EFCAB5: variants seen among roughly 807,000 people sequenced by gnomAD.
The protein encoded by EFCAB5 is EF-hand calcium binding domain 5.
A neutral mutation model predicts 167.9 loss-of-function variants in EFCAB5; 131 were observed. That is an observed-to-expected ratio of 0.78 (90% CI 0.68 to 0.90). EFCAB5 has a LOEUF of 0.90. Among genes scored for constraint, EFCAB5 ranks in the 40% least tolerant of loss-of-function variants. EFCAB5 has a pLI of 0.00. For missense variants in EFCAB5, 1,663 were observed against 1,745.2 expected (o/e 0.95, Z 0.84); for synonymous variants, 574 against 602.8 (o/e 0.95, Z 0.70).
chr17:30,000,241 G>T (rs542376790), intron 7 of EFCAB5, among the ~76,000 whole-genome samples: 1 of 152,182 alleles, frequency 6.6e-6, no homozygotes, highest in South Asian at 2.1e-4. Context: ...CTTATATTCA[G>T]TGAAATCTGG....
intron 19 of EFCAB5, 169 bp from the exon 20 acceptor site, chr17:30,090,252 A>G: frequency 1.2e-6 from 1 of 850,986 alleles, no homozygotes; most frequent in Non-Finnish European, 1.7e-6. Flanking sequence ...GAGCAAACAG[A>G]CAGCCATGTG....
chr17:30,055,713 C>A (rs1444004552), intron 10 of EFCAB5, among the ~76,000 whole-genome samples, 175 bp from the exon 11 acceptor site: 1 of 152,180 alleles, frequency 6.6e-6, no homozygotes, highest in Non-Finnish European at 1.5e-5. Flanking sequence ...CTGCTTTCAA[C>A]AATTCAAGTT....
intron 15 of EFCAB5, 21 bp from the exon 16 acceptor site, chr17:30,080,051 G>C: frequency 6.3e-7 from 1 of 1,589,242 alleles, no homozygotes; most frequent in Non-Finnish European, 8.6e-7. Flanking sequence ...CAAACACATG[G>C]TCGGAAACGT....
At chr17:29,983,163 T>C (rs1597618371) in intron 4 of EFCAB5, among the ~76,000 whole-genome samples, 1 of 152,232 alleles carries the variant, frequency 6.6e-6, no homozygotes, top group African/African-American at 2.4e-5. Context: ...ATGAAACCTT[T>C]CAATGATATC....
At chr17:29,954,970 G>A (rs1038867190) in intron 3 of EFCAB5, among the ~76,000 whole-genome samples, 2 of 152,158 alleles carry the variant, frequency 1.3e-5, no homozygotes, top group Non-Finnish European at 2.9e-5. Context: ...GGACTTGCAT[G>A]GAGCCTGTAG....
chr17:29,946,651 G>T lies in EFCAB5; in HGVS notation c.190+3002G>T, dbSNP rs1326719370. On this transcript the variant is annotated intron_variant, in intron 3 of 22. Coordinates refer to ENST00000394835, the MANE Select transcript of EFCAB5 (RefSeq NM_198529.4). ...GACTGGGTTTCACCATGTTGGGCAG[G>T]ATGGTCTCGATCTCCTGACCTCGTG... is the stretch of plus-strand genomic sequence containing the variant. Among the ~76,000 whole-genome samples the T allele has an allele frequency of 5.3e-5, 8 of 151,866 alleles. No homozygotes were observed. The South Asian group carries it at 1.7e-3, about 32-fold the overall frequency.
Position 29,997,936 on chromosome 17 carries a change from G to GA in EFCAB5, c.973+1590dup, listed in dbSNP as rs112937585. ...AGATTTCCCTATATGAAATTAGGTG[G>GA]AAAAAAAAAAAAAACCTCACTTGTC... On this transcript the variant is annotated intron_variant, in intron 6 of 22. Coordinates refer to ENST00000394835, the MANE Select transcript of EFCAB5 (RefSeq NM_198529.4). 8.6e-3 allele frequency among the ~76,000 whole-genome samples: 1,135 copies of GA among 131,552 alleles called. 3 individuals carry two copies. Among genetic ancestry groups the GA allele is most frequent in the Middle Eastern group, 0.018 (5 of 274 alleles). 86.3% of individuals were successfully genotyped at this position (131,552 alleles called of 152,430 possible). A position where few individuals can be genotyped will look rare whatever the true frequency, so the allele number is the denominator to read the frequency against.
chr17:29,954,274 C>A (rs1372041106), intron 3 of EFCAB5, among the ~76,000 whole-genome samples: 2 of 152,114 alleles, frequency 1.3e-5, no homozygotes, highest in African/African-American at 2.4e-5. Context: ...ATGTCAGAGA[C>A]CTTCATGGCA....
chr17:30,092,375 C>A (rs746522855), intron 21 of EFCAB5, among the ~76,000 whole-genome samples: 6 of 152,110 alleles, frequency 3.9e-5, no homozygotes, highest in Non-Finnish European at 8.8e-5. Flanking sequence ...TCACCCCACC[C>A]ACCCCAAGGG....
At chr17:30,013,642 G>A (rs1311161535) in intron 7 of EFCAB5, among the ~76,000 whole-genome samples, 1 of 152,124 alleles carries the variant, frequency 6.6e-6, no homozygotes, top group Non-Finnish European at 1.5e-5. Context: ...TGGGATCAGT[G>A]GTGATATCCC....
At chr17:29,973,480 CT>C (rs35478169) in intron 4 of EFCAB5, among the ~76,000 whole-genome samples, 2,080 of 135,500 alleles carry the variant, frequency 0.015, 10 homozygotes, top group African/African-American at 0.047. Flanking sequence ...TTCCTTTTTC[CT>C]TTTTTTTTTT....
Position 30,068,965 on chromosome 17 carries a change from C to T in EFCAB5, c.2738-9250C>T, listed in dbSNP as rs538786937. On this transcript the variant is annotated intron_variant, in intron 14 of 22. Coordinates refer to ENST00000394835, the MANE Select transcript of EFCAB5 (RefSeq NM_198529.4). ...GAGGACCTGTTCAGAAGCAATTCAA[C>T]AACTACGAACAGAAGCTCACAAGGA... The T allele has an allele frequency of 1.2e-4, 185 of 1,498,196 alleles. 2 individuals are homozygous for T. In the South Asian group the frequency reaches 2.0e-3, roughly 16 times the overall value. The allele number at this position is 1,498,196 out of a possible 1,614,324, so 92.8% of individuals were successfully genotyped here.
intron 8 of EFCAB5, among the ~76,000 whole-genome samples, chr17:30,039,787 T>G (rs182902767): frequency 6.6e-6 from 1 of 152,316 alleles, no homozygotes; most frequent in Non-Finnish European, 1.5e-5. Context: ...TTAGAGCGTT[T>G]CTATGGTTTA....
chr17:29,963,800 G>T (rs2067769750), intron 3 of EFCAB5, among the ~76,000 whole-genome samples: 1 of 152,202 alleles, frequency 6.6e-6, no homozygotes, highest in South Asian at 2.1e-4. Flanking sequence ...GATGTTGGAA[G>T]TGGGCCTAGT....
At chr17:29,942,882 A>G (rs2067321336) in intron 2 of EFCAB5, among the ~76,000 whole-genome samples, 1 of 152,060 alleles carries the variant, frequency 6.6e-6, no homozygotes, top group Non-Finnish European at 1.5e-5. Flanking sequence ...TACTAATAAT[A>G]CAAAAATTAT....
chr17:30,059,932 C>T (rs1296919222), intron 14 of EFCAB5: 2 of 239,856 alleles, frequency 8.3e-6, no homozygotes, highest in Non-Finnish European at 1.6e-5. Context: ...CAGTGATCCT[C>T]CTACCTCAGC....
intron 3 of EFCAB5, among the ~76,000 whole-genome samples, chr17:29,951,849 T>C (rs1197999594): frequency 6.6e-6 from 1 of 152,144 alleles, no homozygotes; most frequent in Non-Finnish European, 1.5e-5. Flanking sequence ...AAACCACTGC[T>C]CTACAGTAGG....
chr17:30,067,440 C>A (rs530459282), intron 14 of EFCAB5, among the ~76,000 whole-genome samples: 2 of 152,112 alleles, frequency 1.3e-5, no homozygotes, highest in South Asian at 4.1e-4. Flanking sequence ...CATAACAAGA[C>A]CCTGTCTCTA....
intron 3 of EFCAB5, among the ~76,000 whole-genome samples, chr17:29,949,192 C>T (rs2067461002): frequency 6.6e-6 from 1 of 152,172 alleles, no homozygotes; most frequent in South Asian, 2.1e-4. Context: ...AGGCTTTGTA[C>T]TGAGGCTCTG....
Sources: allele counts gnomAD v4.1 joint callset (sites outside exome capture counted in the v4.1 genomes callset), GRCh38; gene constraint gnomAD v4.1.1; transcripts MANE v1.5; gene names NCBI Gene and HGNC (gene_info 2026-07-23, HGNC 2026-07-21).